Variants in PDE7A observed in about 807,000 individuals in gnomAD.
PDE7A encodes phosphodiesterase 7A, also known as high affinity 3',5'-cyclic-AMP phosphodiesterase 7A.
Under a neutral mutation model 64.3 loss-of-function variants are expected in PDE7A, and 39 were observed. That is an observed-to-expected ratio of 0.61 (90% CI 0.47 to 0.79). The LOEUF (loss-of-function observed/expected upper bound fraction) is 0.79. Ranked by LOEUF, PDE7A falls within the 30% of genes least tolerant of loss-of-function variation. The pLI is 0.00. For synonymous variants in PDE7A, 203 were observed against 206.8 expected (o/e 0.98, Z 0.16); for missense variants, 470 against 582.8 (o/e 0.81, Z 1.99).
chr8:65,824,583 G>GA (rs1423678445), intron 1 of PDE7A, among the ~76,000 whole-genome samples: 2 of 152,128 alleles, frequency 1.3e-5, no homozygotes, highest in African/African-American at 4.8e-5. Flanking sequence ...CCTATTTTAA[G>GA]AAATTGCCAC....
At chr8:65,733,078 G>A (rs929161863) in intron 7 of PDE7A, among the ~76,000 whole-genome samples, 1 of 152,144 alleles carries the variant, frequency 6.6e-6, no homozygotes, top group Non-Finnish European at 1.5e-5. Flanking sequence ...GTAGGGCTTT[G>A]TGATTTTATC....
At chr8:65,754,788 A>C (rs1231364718) in intron 3 of PDE7A, among the ~76,000 whole-genome samples, 2 of 149,672 alleles carry the variant, frequency 1.3e-5, no homozygotes, top group Admixed American at 6.6e-5. Context: ...AAGAAGATGA[A>C]GCCCCGTCTC....
At chr8:65,817,357 A>G (rs1459001982) in intron 1 of PDE7A, among the ~76,000 whole-genome samples, 1 of 152,254 alleles carries the variant, frequency 6.6e-6, no homozygotes, top group South Asian at 2.1e-4. Flanking sequence ...ACACATTTAC[A>G]TTAACAGACA....
At chr8:65,768,862 TACA>T (rs1808931551) in intron 3 of PDE7A, among the ~76,000 whole-genome samples, 3 of 152,114 alleles carry the variant, frequency 2.0e-5, no homozygotes, top group African/African-American at 2.4e-5. Context: ...TCAAAAATAA[TACA>T]AAAAGGTCAA....
At chr8:65,789,054 G>T in intron 1 of PDE7A, 1 of 1,469,410 alleles carries the variant, frequency 6.8e-7, no homozygotes, top group South Asian at 1.5e-5. Context: ...AGGGGACACT[G>T]ACTGCCTTGG....
At chr8:65,839,834 T>A (rs993143219) in intron 1 of PDE7A, among the ~76,000 whole-genome samples, 5 of 152,196 alleles carry the variant, frequency 3.3e-5, no homozygotes, top group African/African-American at 1.2e-4. Flanking sequence ...TTTAATCCCT[T>A]GGAATCTTCC....
At chr8:65,764,681 C>T (rs999634478) in intron 3 of PDE7A, among the ~76,000 whole-genome samples, 8 of 152,148 alleles carry the variant, frequency 5.3e-5, no homozygotes, top group South Asian at 2.1e-4. Context: ...ACAATATAAT[C>T]AGTACGATAT....
chr8:65,739,843 T>C (rs1807328879), intron 5 of PDE7A, among the ~76,000 whole-genome samples: 1 of 152,166 alleles, frequency 6.6e-6, no homozygotes, highest in Admixed American at 6.5e-5. Flanking sequence ...ACTAGACATT[T>C]TCAAATAGAT....
intron 3 of PDE7A, among the ~76,000 whole-genome samples, chr8:65,749,102 A>T (rs1461605245): frequency 6.6e-6 from 1 of 152,202 alleles, no homozygotes; most frequent in African/African-American, 2.4e-5. Context: ...CCTATCTTGA[A>T]GAGGCGGGAA....
At chr8:65,739,977 T>C (rs1023079850) in intron 5 of PDE7A, among the ~76,000 whole-genome samples, 4 of 152,194 alleles carry the variant, frequency 2.6e-5, no homozygotes, top group Non-Finnish European at 1.5e-5. Flanking sequence ...CTCTGCCATC[T>C]TGCTTTCACT....
rs145597764 is a variant in PDE7A at position 65,746,726 on chromosome 8, C to T, written c.435+926G>A. On this transcript the variant is annotated intron_variant, in intron 4 of 12. Coordinates refer to ENST00000401827, the MANE Select transcript of PDE7A (RefSeq NM_001242318.3). ...TAACAGTACTAATAACAACAAATGA[C>T]ATAGAGATCAATATTCTCATTCTAA... 3.4e-4 allele frequency among the ~76,000 whole-genome samples: 52 copies of T among 152,252 alleles called. No individual in the cohort carries two copies. The East Asian group carries it at 8.9e-3, about 26-fold the overall frequency.
intron 3 of PDE7A, among the ~76,000 whole-genome samples, chr8:65,751,979 G>A (rs1194601757): frequency 6.6e-6 from 1 of 152,124 alleles, no homozygotes; most frequent in Admixed American, 6.5e-5. Flanking sequence ...CTATCATACA[G>A]ATGAATCATA....
rs1168381833 is a variant in PDE7A, at chr8:65,739,555, T to C, written c.542A>G (p.His181Arg). Residue 181 changes from histidine to arginine, a missense_variant, in exon 6 of 13, where the codon CAT becomes CGT. Transcript: ENST00000401827. ...VSLTFHLFSL[H>R]GLIEYFHLDM... ...TAAATGGAAGTACTCAATTAATCCATGAAGACTAAATAAATGAAAGGTTAA... is the reference window on the plus strand; with the variant it reads ...TAAATGGAAGTACTCAATTAATCCACGAAGACTAAATAAATGAAAGGTTAA... 6.4e-7 allele frequency: 1 copy of C among 1,564,440 alleles called. No individual in the cohort carries two copies. The highest frequency in any genetic ancestry group is 8.6e-7 in the Non-Finnish European group (1 of 1,160,730).
intron 3 of PDE7A, among the ~76,000 whole-genome samples, chr8:65,773,944 T>C (rs781407027): frequency 5.3e-5 from 8 of 152,226 alleles, no homozygotes; most frequent in Non-Finnish European, 8.8e-5. Context: ...TTTATACAAA[T>C]ATCAATATTT....
At chr8:65,780,220 A>G (rs1253653192) in intron 2 of PDE7A, among the ~76,000 whole-genome samples, 1 of 152,198 alleles carries the variant, frequency 6.6e-6, no homozygotes, top group Non-Finnish European at 1.5e-5. Context: ...CTGCAGAAAG[A>G]AGCAACATAT....
At chr8:65,776,494 G>T (rs1410726392) in intron 3 of PDE7A, among the ~76,000 whole-genome samples, 1 of 152,060 alleles carries the variant, frequency 6.6e-6, no homozygotes, top group Non-Finnish European at 1.5e-5. Flanking sequence ...TAGGAAAGAA[G>T]AAAAACTGGC....
intron 2 of PDE7A, among the ~76,000 whole-genome samples, chr8:65,781,481 T>C (rs552806419): frequency 2.0e-5 from 3 of 152,252 alleles, no homozygotes; most frequent in Admixed American, 6.5e-5. Context: ...GGAACACAGG[T>C]AGACACAGGG....
intron 1 of PDE7A, among the ~76,000 whole-genome samples, chr8:65,823,776 C>T (rs1336325653): frequency 6.6e-6 from 1 of 151,928 alleles, no homozygotes. Flanking sequence ...TTTACATGTG[C>T]GAGATTTATA....
chr8:65,830,164 G>T (rs1810779791), intron 1 of PDE7A, among the ~76,000 whole-genome samples: 2 of 151,980 alleles, frequency 1.3e-5, no homozygotes, highest in African/African-American at 4.8e-5. Context: ...AAATATCCAG[G>T]TGGACAAAAG....
Sources: allele counts gnomAD v4.1 joint callset (sites outside exome capture counted in the v4.1 genomes callset), GRCh38; gene constraint gnomAD v4.1.1; transcripts MANE v1.5; gene names NCBI Gene and HGNC (gene_info 2026-07-23, HGNC 2026-07-21).